The following SMIM31 variants were observed in gnomAD, a reference collection of about 807,000 sequenced individuals.
SMIM31 encodes small integral membrane protein 31.
At chr4:164,762,386 A>G (rs1329380716) in intron 1 of SMIM31, among the ~76,000 whole-genome samples, 1 of 152,186 alleles carries the variant, frequency 6.6e-6, no homozygotes, top group Non-Finnish European at 1.5e-5. Context: ...AACCAAGATG[A>G]CTGAATAAAT....
intron 1 of SMIM31, among the ~76,000 whole-genome samples, chr4:164,763,241 C>T (rs1732675539): frequency 6.6e-6 from 1 of 152,146 alleles, no homozygotes; most frequent in African/African-American, 2.4e-5. Context: ...AACACAAACC[C>T]TTCCCTGATT....
chr4:164,792,929 A>G (rs1733122517), intron 2 of SMIM31, among the ~76,000 whole-genome samples: 1 of 152,178 alleles, frequency 6.6e-6, no homozygotes, highest in Non-Finnish European at 1.5e-5. Flanking sequence ...AAAAAAACAT[A>G]CCAATGGATT....
chr4:164,783,318 A>G (rs1318382482), intron 2 of SMIM31, among the ~76,000 whole-genome samples: 3 of 149,680 alleles, frequency 2.0e-5, no homozygotes, highest in East Asian at 2.0e-4. Flanking sequence ...GAGGTCAGGA[A>G]TTCAAGACCA....
chr4:164,770,398 C>T (rs1008647708), intron 1 of SMIM31, 21 bp from the exon 2 acceptor site: 3 of 398,674 alleles, frequency 7.5e-6, no homozygotes, highest in African/African-American at 6.2e-5. Flanking sequence ...ATGCTGAGCC[C>T]ATGTTTTATT....
At chr4:164,772,224 A>AAGAG (rs1362798333) in intron 2 of SMIM31, among the ~76,000 whole-genome samples, 4 of 151,918 alleles carry the variant, frequency 2.6e-5, no homozygotes, top group African/African-American at 9.7e-5. Flanking sequence ...AAGCAGCAGG[A>AAGAG]AGAGGGAGAA....
At chr4:164,789,056 T>C (rs1370101073) in intron 2 of SMIM31, among the ~76,000 whole-genome samples, 1 of 105,594 alleles carries the variant, frequency 9.5e-6, no homozygotes, top group Admixed American at 8.7e-5. Flanking sequence ...TAATGCTTAC[T>C]TGAAAATTGT....
At chr4:164,754,551 A>ATTTTTTTTTTTTTT (rs57916805) in intron 1 of SMIM31, 140 bp downstream of exon 1, 8 of 55,620 alleles carry the variant, frequency 1.4e-4, no homozygotes, top group African/African-American at 2.4e-4. Context: ...TCCTGGAGGT[A>ATTTTTTTTTTTTTT]TTTTTTTTTT....
At chr4:164,790,122 A>C (rs909283168) in intron 2 of SMIM31, among the ~76,000 whole-genome samples, 13 of 152,210 alleles carry the variant, frequency 8.5e-5, no homozygotes, top group African/African-American at 2.4e-4. Context: ...CACACACAGC[A>C]TCAGAATTCT....
At chr4:164,772,587 T>TTTA (rs577721221) in intron 2 of SMIM31, among the ~76,000 whole-genome samples, 4 of 147,014 alleles carry the variant, frequency 2.7e-5, no homozygotes, top group Non-Finnish European at 4.5e-5. Context: ...TTTATTTTAT[T>TTTA]TTTTTTTTTG....
At chr4:164,763,643 T>C (rs1047040554) in intron 1 of SMIM31, among the ~76,000 whole-genome samples, 8 of 152,194 alleles carry the variant, frequency 5.3e-5, no homozygotes, top group African/African-American at 1.9e-4. Flanking sequence ...TGATCCTCCC[T>C]AAAACTCTGA....
intron 2 of SMIM31, among the ~76,000 whole-genome samples, chr4:164,797,827 A>G (rs1379848602): frequency 1.3e-5 from 2 of 152,152 alleles, no homozygotes; most frequent in East Asian, 3.9e-4. Flanking sequence ...TAGTGTACCC[A>G]TTACCCAAAT....
rs556823257 is a variant in SMIM31 at position 164,782,351 on chromosome 4, A to G, written c.112+11796A>G. Among the ~76,000 whole-genome samples, 3 of 151,402 alleles carry G rather than the reference A, an allele frequency of 2.0e-5. No homozygotes were observed. The East Asian group carries it at 5.8e-4, about 29-fold the overall frequency. On this transcript the variant is annotated intron_variant, in intron 2 of 2. Transcript: ENST00000507311. Reference sequence around the variant, plus strand: ...TAAAAATGAATTTTTACAAACCTATAAAACACTACTTTATCTCTTTCTTTT... The same window carrying G: ...TAAAAATGAATTTTTACAAACCTATGAAACACTACTTTATCTCTTTCTTTT...
chr4:164,781,370 C>G (rs1732946839), intron 2 of SMIM31, among the ~76,000 whole-genome samples: 1 of 152,030 alleles, frequency 6.6e-6, no homozygotes, highest in Non-Finnish European at 1.5e-5. Flanking sequence ...TTCACAATTG[C>G]CAAAAAATGA....
At chr4:164,768,925 T>C (rs9308091) in intron 1 of SMIM31, among the ~76,000 whole-genome samples, 72,586 of 151,856 alleles carry the variant, frequency 0.48, 18,247 homozygotes, top group Admixed American at 0.57. Flanking sequence ...GCATCTCTAC[T>C]AACCACAATG....
intron 2 of SMIM31, among the ~76,000 whole-genome samples, chr4:164,794,554 C>T (rs1193886807): frequency 6.6e-6 from 1 of 152,122 alleles, no homozygotes; most frequent in African/African-American, 2.4e-5. Flanking sequence ...CACCTGTAAT[C>T]CCAGCACTTT....
At position 164,801,225 on chromosome 4, in the gene SMIM31, A is replaced by G. The variant is rs1274591126; in HGVS notation, c.*31A>G. On this transcript the variant is annotated 3_prime_UTR_variant, in exon 3 of 3. Coordinates refer to ENST00000507311, the MANE Select transcript of SMIM31 (RefSeq NM_001352885.1). ...TAGCCACCGATATTTCTCGCTAAGA[A>G]GACAGAGGAAGCAATCCATGGGAAC... The G allele has an allele frequency of 1.0e-5, 4 of 398,798 alleles. No homozygotes were observed. The highest frequency in any genetic ancestry group is 1.8e-5 in the Non-Finnish European group (4 of 225,992). The allele number at this position is 398,798 out of a possible 1,614,324, so 24.7% of individuals were successfully genotyped here.
At chr4:164,754,633 T>C (rs1168679899) in intron 1 of SMIM31, among the ~76,000 whole-genome samples, 1 of 142,168 alleles carries the variant, frequency 7.0e-6, no homozygotes, top group Non-Finnish European at 1.5e-5. Context: ...GTAGAACAAC[T>C]CCCCCTCAGA....
intron 2 of SMIM31, among the ~76,000 whole-genome samples, chr4:164,794,547 C>A (rs1425356508): frequency 6.6e-6 from 1 of 152,188 alleles, no homozygotes; most frequent in South Asian, 2.1e-4. Flanking sequence ...TGGCTCACAC[C>A]TGTAATCCCA....
intron 1 of SMIM31, among the ~76,000 whole-genome samples, chr4:164,757,601 T>G (rs760929216): frequency 6.6e-6 from 1 of 152,134 alleles, no homozygotes; most frequent in East Asian, 1.9e-4. Flanking sequence ...CATATGTTGC[T>G]GAAGCAGAAA....
Sources: gnomAD v4.1 joint callset for allele counts (sites outside exome capture counted in the v4.1 genomes callset) on GRCh38, gnomAD v4.1.1 for gene constraint, MANE v1.5 for transcripts, NCBI Gene and HGNC (gene_info 2026-07-23, HGNC 2026-07-21) for gene names.